The following TANC2 variants were observed in gnomAD, a reference collection of about 807,000 sequenced individuals.
TANC2 encodes the protein protein TANC2.
In TANC2, 26 loss-of-function variants were observed where a neutral mutation model predicts 210.5. That is an observed-to-expected ratio of 0.12 (90% CI 0.09 to 0.17). The LOEUF is 0.17. TANC2 is among the 10% of genes least tolerant of loss of function. The pLI, the probability that TANC2 is intolerant of heterozygous loss-of-function variation, is 1.00. For missense variants in TANC2, 2,129 were observed against 2,608.9 expected (o/e 0.82, Z 4.01); for synonymous variants, 931 against 967.1 (o/e 0.96, Z 0.69).
intron 3 of TANC2, among the ~76,000 whole-genome samples, chr17:63,087,820 G>A: frequency 6.6e-6 from 1 of 152,140 alleles, no homozygotes; most frequent in East Asian, 1.9e-4. Flanking sequence ...TGAGGTTGCT[G>A]CTTGTGCGTT....
intron 8 of TANC2, among the ~76,000 whole-genome samples, chr17:63,262,084 G>A (rs371968655): frequency 8.3e-4 from 127 of 152,238 alleles, no homozygotes; most frequent in African/African-American, 3.0e-3. Context: ...GCGAGAAAAA[G>A]AATAAATTAG....
intron 9 of TANC2, among the ~76,000 whole-genome samples, chr17:63,280,750 A>G (rs568462034): frequency 1.4e-4 from 22 of 152,276 alleles, no homozygotes; most frequent in African/African-American, 5.3e-4. Context: ...ATACTGATCT[A>G]TAGGGACAGG....
At position 63,328,376 on chromosome 17, in the gene TANC2, ATGTGTG is replaced by A. The variant is rs61546119; in HGVS notation, c.1575+9312_1575+9317del. 5.1e-3 allele frequency among the ~76,000 whole-genome samples: 744 copies of A among 147,124 alleles called. 3 individuals carry two copies. The highest frequency in any genetic ancestry group is 8.7e-3 in the South Asian group (40 of 4,604). ...TAAAACATGGTATGTGTATGTGTAT[ATGTGTG>A]TGTGTGTGTGTGTGTGTGTGTGTGT... On this transcript the variant is annotated intron_variant, in intron 11 of 27. Coordinates refer to ENST00000689528, the Ensembl canonical transcript of TANC2.
chr17:63,237,363 A>G lies in TANC2; in HGVS notation c.770-451A>G, dbSNP rs539122775. On this transcript the variant is annotated intron_variant, in intron 7 of 27. Transcript: ENST00000689528. ...TTGTTTGAGTTCCTTGTATATTCTT[A>G]ATGTTAGTCCTGTCAGATGTATAGT... is the stretch of plus-strand genomic sequence containing the variant. 1.5e-4 allele frequency among the ~76,000 whole-genome samples: 23 copies of G among 151,920 alleles called. 1 individual carries two copies. Among genetic ancestry groups the G allele is most frequent in the African/African-American group, 5.3e-4 (22 of 41,488 alleles).
At chr17:63,080,677 G>C (rs78476579) in intron 3 of TANC2, among the ~76,000 whole-genome samples, 4,479 of 152,226 alleles carry the variant, frequency 0.029, 82 homozygotes, top group South Asian at 0.037. Context: ...TTATGCTCTT[G>C]AAACACACAA....
At chr17:63,098,431 TACACACACACAC>T (rs67245738) in intron 3 of TANC2, among the ~76,000 whole-genome samples, 29 of 93,308 alleles carry the variant, frequency 3.1e-4, no homozygotes, top group South Asian at 8.0e-4. Flanking sequence ...GGCCTTAGAC[TACACACACACAC>T]ACACACACAC....
chr17:63,420,624 G>A lies in TANC2; in HGVS notation c.4894G>A (p.Ala1632Thr), dbSNP rs944158607. Residue 1632 changes from alanine to threonine, a missense_variant, in exon 28 of 28, where the codon GCT becomes ACT. Ala to Thr is a moderately conservative substitution (Grantham distance 58). Around this residue, in one of 5 missense-constraint regions of TANC2, gnomAD observed 584 missense variants for 627.3 expected, o/e 0.93. Transcript: ENST00000689528. The surrounding 1 kb of genome is among the most constrained non-coding windows in gnomAD (Gnocchi z 4.2). ...CCCTCAGTATCGGGCCAGCCCTCCAGCTGAAAGTATGAGTGTCTATAGATC... is the reference window on the plus strand; with the variant it reads ...CCCTCAGTATCGGGCCAGCCCTCCAACTGAAAGTATGAGTGTCTATAGATC... 13 of 1,613,798 alleles carry A rather than the reference G, an allele frequency of 8.1e-6. No homozygotes were observed. The Admixed American group carries it at 1.5e-4, about 19-fold the overall frequency.
intron 2 of TANC2, among the ~76,000 whole-genome samples, chr17:63,060,612 C>T (rs1478563479): frequency 3.4e-5 from 4 of 117,296 alleles, no homozygotes; most frequent in Admixed American, 2.4e-4. Context: ...AAGAGCGAAA[C>T]TCTGTCTCAA....
At chr17:63,214,767 G>A (rs1452165698) in intron 7 of TANC2, among the ~76,000 whole-genome samples, 2 of 152,096 alleles carry the variant, frequency 1.3e-5, no homozygotes, top group African/African-American at 4.8e-5. Flanking sequence ...ATTTGCTGGG[G>A]GACACAAACA....
Position 63,106,454 on chromosome 17 carries a change from A to T in TANC2, c.322+7097A>T, listed in dbSNP as rs1030176739. 2.6e-5 allele frequency among the ~76,000 whole-genome samples: 4 copies of T among 151,522 alleles called. 1 individual carries two copies. The highest frequency in any genetic ancestry group is 7.3e-5 in the African/African-American group (3 of 40,834). ...AAGAGGAAGCTTCAAGAGTAAGGGG[A>T]TTATTGCCGAACCAACTAAACAGTG... On this transcript the variant is annotated intron_variant, in intron 4 of 27. Transcript: ENST00000689528.
chr17:63,392,027 A>G (rs1470753891), intron 17 of TANC2, among the ~76,000 whole-genome samples: 2 of 152,068 alleles, frequency 1.3e-5, no homozygotes, highest in African/African-American at 4.8e-5. Context: ...GTGCTCGGCC[A>G]GTAGTAAACT....
intron 14 of TANC2, 60 bp downstream of exon 14, chr17:63,355,450 G>A: frequency 2.1e-6 from 3 of 1,453,190 alleles, no homozygotes; most frequent in Non-Finnish European, 2.7e-6. Context: ...TGCATGGAGT[G>A]TGAGTATTGA....
At chr17:63,083,187 G>A (rs2036841596) in intron 3 of TANC2, among the ~76,000 whole-genome samples, 1 of 152,124 alleles carries the variant, frequency 6.6e-6, no homozygotes, top group African/African-American at 2.4e-5. Context: ...CTGTGCTGTT[G>A]TCATCTACGT....
intron 9 of TANC2, among the ~76,000 whole-genome samples, chr17:63,285,584 A>G (rs2044195765): frequency 6.6e-6 from 1 of 152,168 alleles, no homozygotes; most frequent in African/African-American, 2.4e-5. Context: ...TAATGAAAGG[A>G]TACAAAGGAA....
intron 7 of TANC2, among the ~76,000 whole-genome samples, chr17:63,228,244 G>T (rs529759632): frequency 4.9e-4 from 74 of 152,254 alleles, no homozygotes; most frequent in African/African-American, 1.8e-3. Context: ...GATTGTAGAT[G>T]TGTGGTCTTC....
At chr17:63,423,434 C>CT in exon 28 of TANC2, 1 of 152,358 alleles carries the variant, frequency 6.6e-6, no homozygotes, top group African/African-American at 2.4e-5. Flanking sequence ...CGGCACAGGC[C>CT]TGGCACTGGC....
At chr17:63,131,440 TC>T (rs1470968637) in intron 4 of TANC2, among the ~76,000 whole-genome samples, 1 of 152,014 alleles carries the variant, frequency 6.6e-6, no homozygotes, top group African/African-American at 2.4e-5. Flanking sequence ...TTCTGAACAA[TC>T]CCATTCCACT....
At chr17:63,025,634 A>C (rs559758651) in intron 2 of TANC2, among the ~76,000 whole-genome samples, 6 of 151,950 alleles carry the variant, frequency 3.9e-5, no homozygotes, top group African/African-American at 1.2e-4. Context: ...CATCTCTACT[A>C]AAAATAAAAA....
intron 4 of TANC2, among the ~76,000 whole-genome samples, chr17:63,127,238 TTG>T (rs1265999475): frequency 6.6e-6 from 1 of 152,252 alleles, no homozygotes; most frequent in Non-Finnish European, 1.5e-5. Flanking sequence ...TGAACCATTT[TTG>T]TAGATATATT....
Sources: gnomAD v4.1 joint callset for allele counts (sites outside exome capture counted in the v4.1 genomes callset) on GRCh38, gnomAD v4.1.1 for gene constraint, gnomAD v4.1.1 regional missense constraint, Gnocchi (gnomAD v3.1) non-coding constraint, MANE v1.5 for transcripts, NCBI Gene and HGNC (gene_info 2026-07-23, HGNC 2026-07-21) for gene names.